Variants in TIMD4 observed in about 807,000 individuals in gnomAD.
TIMD4 encodes T cell immunoglobulin and mucin domain containing 4, also known as T-cell immunoglobulin and mucin domain-containing protein 4.
In TIMD4, 31 loss-of-function variants were observed where a neutral mutation model predicts 41.2. That is an observed-to-expected ratio of 0.75 (90% confidence interval 0.57 to 1.01). TIMD4 has a LOEUF of 1.01. Among genes scored for constraint, TIMD4 ranks in the 50% least tolerant of loss-of-function variants. TIMD4 has a pLI of 0.00. For missense variants in TIMD4, 479 were observed against 472.5 expected, an observed-to-expected ratio of 1.01 and a Z score of -0.13; for synonymous variants, 204 against 177.1, an observed-to-expected ratio of 1.15 and a Z score of -1.21.
At chr5:156,926,620 T>G (rs1161263870) in intron 5 of TIMD4, among the ~76,000 whole-genome samples, 2 of 152,222 alleles carry the variant, frequency 1.3e-5, no homozygotes, top group Non-Finnish European at 2.9e-5. Flanking sequence ...AGGATTTTTA[T>G]CCGGCAAGAA....
At chr5:156,933,877 G>T (rs1759491529) in intron 5 of TIMD4, among the ~76,000 whole-genome samples, 1 of 152,106 alleles carries the variant, frequency 6.6e-6, no homozygotes, top group Non-Finnish European at 1.5e-5. Flanking sequence ...GCCCTTTACG[G>T]AAAAAGTTTG....
chr5:156,923,702 C>T (rs986868174), intron 6 of TIMD4, among the ~76,000 whole-genome samples: 19 of 143,818 alleles, frequency 1.3e-4, no homozygotes, highest in Non-Finnish European at 1.9e-4. Flanking sequence ...CGATGCCTGG[C>T]TATTTTTTTT....
rs1231176588 is a variant in TIMD4 at position 156,926,263 on chromosome 5, C to G, written c.894G>C (p.Gln298His). 6.2e-7 allele frequency: 1 copy of G among 1,613,144 alleles called. No individual in the cohort carries two copies. The highest frequency in any genetic ancestry group is 2.2e-5 in the East Asian group (1 of 44,842). ...TGCAAATACTTCACAGATTTTTTAC[C>G]TGTCCTGTTTTTGTTGTTTTGTTCT... ...PEQNKTTKTG[Q>H]MDGIPMSMKN... The change falls in exon 6 of 9, where the codon CAG becomes CAC. Residue 298 changes from glutamine to histidine, a missense_variant and splice_region_variant. Physicochemically the swap from Gln to His is conservative, Grantham distance 24. Transcript: ENST00000274532.
At chr5:156,942,696 G>A (rs1321929348) in intron 5 of TIMD4, among the ~76,000 whole-genome samples, 8 of 152,170 alleles carry the variant, frequency 5.3e-5, no homozygotes, top group Non-Finnish European at 1.0e-4. Context: ...TGAACTAGAA[G>A]ACATGTACAC....
chr5:156,933,337 C>G (rs1272794697), intron 5 of TIMD4, among the ~76,000 whole-genome samples: 2 of 152,034 alleles, frequency 1.3e-5, no homozygotes, highest in African/African-American at 4.8e-5. Context: ...GGAAACATAT[C>G]AAGATGCTCT....
At chr5:156,937,831 C>T (rs554126625) in intron 5 of TIMD4, among the ~76,000 whole-genome samples, 17 of 152,248 alleles carry the variant, frequency 1.1e-4, no homozygotes, top group East Asian at 5.8e-4. Flanking sequence ...ATCCCCCAGC[C>T]GGGCTACCAA....
intron 2 of TIMD4, 56 bp downstream of exon 2, chr5:156,954,359 G>A (rs7724832): frequency 0.68 from 1,029,453 of 1,504,026 alleles, 354,804 homozygotes; most frequent in East Asian, 0.88. Flanking sequence ...TGATCCCATT[G>A]TCCATTAACC....
chr5:156,940,108 C>A (rs1044791545), intron 5 of TIMD4, among the ~76,000 whole-genome samples: 2 of 152,252 alleles, frequency 1.3e-5, no homozygotes, highest in Non-Finnish European at 2.9e-5. Context: ...AGGCGCGTGC[C>A]GCCAGGCCTG....
chr5:156,951,038 C>T (rs530663025), intron 3 of TIMD4, among the ~76,000 whole-genome samples: 1 of 148,424 alleles, frequency 6.7e-6, no homozygotes, highest in Admixed American at 6.7e-5. Context: ...ACACCCATGC[C>T]TACTGTGAAG....
At chr5:156,957,952 A>G (rs1336295502) in intron 1 of TIMD4, among the ~76,000 whole-genome samples, 1 of 152,214 alleles carries the variant, frequency 6.6e-6, no homozygotes. Flanking sequence ...GTACTTTTGC[A>G]TAAAAGGAGG....
intron 5 of TIMD4, among the ~76,000 whole-genome samples, chr5:156,937,057 C>G (rs1051417846): frequency 1.3e-5 from 2 of 151,820 alleles, no homozygotes; most frequent in African/African-American, 4.8e-5. Flanking sequence ...ACAATGTAAG[C>G]ATCTGAAAGT....
At chr5:156,962,332 TC>T (rs139646519) in intron 1 of TIMD4, among the ~76,000 whole-genome samples, 2,319 of 152,264 alleles carry the variant, frequency 0.015, 77 homozygotes, top group African/African-American at 0.054. Context: ...CCTGATTCGA[TC>T]ATTGTACATT....
intron 5 of TIMD4, among the ~76,000 whole-genome samples, chr5:156,944,203 G>A (rs1759696657): frequency 6.6e-6 from 1 of 152,176 alleles, no homozygotes; most frequent in Non-Finnish European, 1.5e-5. Flanking sequence ...TTTCATGTGA[G>A]TTGTTACTGT....
intron 5 of TIMD4, among the ~76,000 whole-genome samples, chr5:156,936,237 T>G (rs1759537787): frequency 6.6e-6 from 1 of 152,062 alleles, no homozygotes; most frequent in South Asian, 2.1e-4. Flanking sequence ...AGACCCCATC[T>G]CAAAAACAGA....
At chr5:156,937,092 A>G (rs913258463) in intron 5 of TIMD4, among the ~76,000 whole-genome samples, 1 of 152,198 alleles carries the variant, frequency 6.6e-6, no homozygotes, top group African/African-American at 2.4e-5. Flanking sequence ...CACATACATT[A>G]TCTCATTGGA....
At chr5:156,925,137 C>T (rs1014871490) in intron 6 of TIMD4, among the ~76,000 whole-genome samples, 2 of 152,192 alleles carry the variant, frequency 1.3e-5, no homozygotes, top group African/African-American at 4.8e-5. Context: ...AATGAAACCA[C>T]ATCTCTGTTA....
intron 5 of TIMD4, among the ~76,000 whole-genome samples, chr5:156,946,746 A>T (rs1005205391): frequency 6.6e-6 from 1 of 151,262 alleles, no homozygotes; most frequent in Admixed American, 6.6e-5. Flanking sequence ...CGGCCTCCCA[A>T]GGTGCTGTAA....
rs1416637120 is a variant in TIMD4, at chr5:156,935,517, G to A, written c.845-9205C>T. On this transcript the variant is annotated intron_variant, in intron 5 of 8. Coordinates refer to ENST00000274532, the MANE Select transcript of TIMD4 (RefSeq NM_138379.3). ...TCAGTCAGGCGTTCCTTAGTTCCAA[G>A]GGAAGAATTGGGTGGGGTCCATGTT... The A allele has an allele frequency of 2.6e-5, 4 of 152,316 alleles. No individual in the cohort carries two copies. The East Asian group carries it at 7.7e-4, about 29-fold the overall frequency. 9.4% of individuals were successfully genotyped at this position (152,316 alleles called of 1,614,324 possible).
intron 5 of TIMD4, among the ~76,000 whole-genome samples, chr5:156,934,564 T>C (rs533515136): frequency 6.6e-5 from 10 of 152,260 alleles, no homozygotes; most frequent in Admixed American, 2.0e-4. Context: ...AGTGCTGAGA[T>C]TACAAGTGTG....
Sources: allele counts gnomAD v4.1 joint callset (sites outside exome capture counted in the v4.1 genomes callset), GRCh38; gene constraint gnomAD v4.1.1; transcripts MANE v1.5; gene names NCBI Gene and HGNC (gene_info 2026-07-23, HGNC 2026-07-21).